Variants in SRP19 observed in about 807,000 individuals in gnomAD.
The protein encoded by SRP19 is signal recognition particle 19.
Under a neutral mutation model 22.4 loss-of-function variants are expected in SRP19, and 11 were observed. The observed-to-expected ratio is 0.49, with a 90% confidence interval of 0.31 to 0.81. The LOEUF (loss-of-function observed/expected upper bound fraction) is 0.81, where lower values mean the gene tolerates loss of function less well. Ranked by LOEUF, SRP19 falls within the 40% of genes least tolerant of loss-of-function variation. The pLI is 0.05. For missense variants in SRP19, 168 were observed against 175.9 expected (o/e 0.96, Z 0.25); for synonymous variants, 61 against 57.6 (o/e 1.06, Z -0.27).
chr5:112,890,284 T>A (rs1326990760), intron 4 of SRP19, among the ~76,000 whole-genome samples: 1 of 149,938 alleles, frequency 6.7e-6, no homozygotes, highest in Non-Finnish European at 1.5e-5. Context: ...AGCAAGACCC[T>A]GTCTCAAAAA....
rs1404280481 is a variant in SRP19, at chr5:112,868,441, C to A, written c.*904C>A. The A allele has an allele frequency of 2.1e-6, 2 of 956,102 alleles. No individual in the cohort carries two copies. The highest frequency in any genetic ancestry group is 1.8e-5 in the African/African-American group (1 of 56,492). 59.2% of individuals were successfully genotyped at this position (956,102 alleles called of 1,614,324 possible). ...TTGAGATGGAGTTTCACTCTTGTTG[C>A]CTAGGCTGGAGTGCAATGGCACGAT... On this transcript the variant is annotated 3_prime_UTR_variant, in exon 5 of 5. Transcript: ENST00000505459.
chr5:112,892,276 A>C (rs1468245480), exon 5 of SRP19: 6 of 1,614,146 alleles, frequency 3.7e-6, no homozygotes, highest in Non-Finnish European at 5.1e-6. Flanking sequence ...CATGTTTACA[A>C]CGTTTGGAAT....
rs769972536 is a variant in SRP19, at chr5:112,892,573, T to C, written c.*966T>C. Reference sequence around the variant, plus strand: ...ATGTGAATTCTGCCCAGTGACCCGGTGGAAAATGGCGATTTGTGGTTTATT... The same window carrying C: ...ATGTGAATTCTGCCCAGTGACCCGGCGGAAAATGGCGATTTGTGGTTTATT... On this transcript the variant is annotated 3_prime_UTR_variant, in exon 5 of 5. Transcript: ENST00000391338. 3 of 1,614,054 alleles carry C rather than the reference T, an allele frequency of 1.9e-6. No individual in the cohort carries two copies. The South Asian group carries it at 3.3e-5, about 18-fold the overall frequency.
chr5:112,885,616 T>A (rs1768219499), intron 4 of SRP19: 1 of 280,832 alleles, frequency 3.6e-6, no homozygotes. Context: ...GTTCTTCAAA[T>A]GTCCTTCCCC....
intron 1 of SRP19, 123 bp downstream of exon 1, chr5:112,861,540 C>T (rs1767398927): frequency 2.9e-6 from 3 of 1,021,926 alleles, no homozygotes; most frequent in Non-Finnish European, 4.3e-6. Flanking sequence ...TCGCTCTGTA[C>T]GGGCCCCGCG....
intron 4 of SRP19, among the ~76,000 whole-genome samples, chr5:112,875,596 G>A (rs183465930): frequency 1.4e-4 from 21 of 152,152 alleles, no homozygotes; most frequent in Non-Finnish European, 2.8e-4. Flanking sequence ...TTGAACTCAT[G>A]CACTCAAGCA....
intron 4 of SRP19, among the ~76,000 whole-genome samples, chr5:112,866,587 C>G (rs922236952): frequency 4.6e-5 from 7 of 152,190 alleles, no homozygotes; most frequent in Non-Finnish European, 1.0e-4. Context: ...GCCTCAGCCT[C>G]CCAAAGAGCT....
intron 2 of SRP19, 117 bp downstream of exon 2, chr5:112,862,700 T>A: frequency 1.1e-6 from 1 of 876,782 alleles, no homozygotes; most frequent in Non-Finnish European, 1.8e-6. Flanking sequence ...ATTTAGGGCT[T>A]GAGAACACAG....
intron 1 of SRP19, 34 bp from the exon 2 acceptor site, chr5:112,862,474 C>T (rs749806969): frequency 2.5e-6 from 4 of 1,595,932 alleles, no homozygotes; most frequent in Non-Finnish European, 3.4e-6. Flanking sequence ...TCTTACTGCT[C>T]TAGTGATACC....
intron 4 of SRP19, chr5:112,885,490 T>C (rs1037404368): frequency 2.0e-5 from 4 of 199,574 alleles, no homozygotes; most frequent in Admixed American, 5.7e-5. Context: ...ATGCTTGACA[T>C]CCCTAACTAG....
intron 4 of SRP19, among the ~76,000 whole-genome samples, chr5:112,880,039 T>C (rs556711434): frequency 6.6e-5 from 10 of 152,196 alleles, no homozygotes; most frequent in Non-Finnish European, 1.2e-4. Context: ...TATACTCTTA[T>C]TGTGCCACCA....
chr5:112,889,743 G>T (rs1222054325), intron 4 of SRP19, among the ~76,000 whole-genome samples: 4 of 150,346 alleles, frequency 2.7e-5, no homozygotes, highest in Non-Finnish European at 5.9e-5. Context: ...CACTTTGGGA[G>T]GCTGAGGTTG....
intron 4 of SRP19, among the ~76,000 whole-genome samples, chr5:112,865,600 G>C (rs1259236483): frequency 6.7e-6 from 1 of 149,368 alleles, no homozygotes; most frequent in East Asian, 2.0e-4. Flanking sequence ...CTGACAGCTT[G>C]TTTGATTTTT....
chr5:112,897,488 A>C (rs1268881034), downstream of SRP19: 1 of 152,172 alleles, frequency 6.6e-6, no homozygotes, highest in East Asian at 1.9e-4. Flanking sequence ...GTTCTAAATA[A>C]ATCTGCTGAA....
intron 4 of SRP19, among the ~76,000 whole-genome samples, chr5:112,883,495 C>T (rs1233496315): frequency 6.6e-6 from 1 of 152,178 alleles, no homozygotes; most frequent in Non-Finnish European, 1.5e-5. Flanking sequence ...CACTCCTTAT[C>T]AGTCTGCTTT....
rs1166721460 is a variant in SRP19, at chr5:112,892,004, A to G, written c.*397A>G. The G allele has an allele frequency of 2.4e-6, 3 of 1,273,614 alleles. No individual in the cohort carries two copies. In the African/African-American group the frequency reaches 4.4e-5, roughly 19 times the overall value. The allele number at this position is 1,273,614 out of a possible 1,614,324, so 78.9% of individuals were successfully genotyped here. Reference sequence around the variant, plus strand: ...GAACAATGGAAAGAACAGCAGAGGAAAGAGAGAGAAGAGGAGGAGCAGAAA... The same window carrying G: ...GAACAATGGAAAGAACAGCAGAGGAGAGAGAGAGAAGAGGAGGAGCAGAAA... On this transcript the variant is annotated 3_prime_UTR_variant, in exon 5 of 5. Transcript: ENST00000391338.
intron 1 of SRP19, 100 bp downstream of exon 1, chr5:112,861,517 T>A: frequency 7.6e-7 from 1 of 1,323,022 alleles, no homozygotes; most frequent in Non-Finnish European, 1.1e-6. Context: ...CAGAATGGCC[T>A]AGCTGATCCA....
chr5:112,882,852 T>C (rs750033285), intron 4 of SRP19, among the ~76,000 whole-genome samples: 8 of 152,236 alleles, frequency 5.3e-5, no homozygotes, highest in Non-Finnish European at 7.3e-5. Context: ...CCTCTCTCAA[T>C]TGGCCTTCCT....
rs1767651977 is a variant in SRP19 at position 112,867,662 on chromosome 5, C to G, written c.*125C>G. 25 of 1,372,024 alleles carry G rather than the reference C, an allele frequency of 1.8e-5. No homozygotes were observed. The highest frequency in any genetic ancestry group is 2.4e-5 in the Non-Finnish European group (25 of 1,057,886). The allele number at this position is 1,372,024 out of a possible 1,614,324, so 85.0% of individuals were successfully genotyped here. The stretch of plus-strand genomic sequence containing the variant: ...TTAACTGAACTGTGAACCCTTGTGC[C>G]TCTCATCTTTATCATCGGAGTTGAC... On this transcript the variant is annotated 3_prime_UTR_variant, in exon 5 of 5. Transcript: ENST00000505459.
Sources: allele counts gnomAD v4.1 joint callset (sites outside exome capture counted in the v4.1 genomes callset), GRCh38; gene constraint gnomAD v4.1.1; transcripts MANE v1.5; gene names NCBI Gene and HGNC (gene_info 2026-07-23, HGNC 2026-07-21).